Variants in CDH12 observed in about 807,000 individuals in gnomAD.
CDH12 encodes the protein cadherin 12.
Under a neutral mutation model 74.1 loss-of-function variants are expected in CDH12, and 41 were observed. The observed-to-expected ratio is 0.55, with a 90% CI of 0.43 to 0.72. The LOEUF (loss-of-function observed/expected upper bound fraction) is 0.72. CDH12 is among the 30% of genes least tolerant of loss of function. The pLI, the probability that CDH12 is intolerant of heterozygous loss-of-function variation, is 0.00. For missense variants in CDH12, 945 were observed against 977.2 expected, an observed-to-expected ratio of 0.97 and a Z score of 0.44; for synonymous variants, 399 against 355.0, an observed-to-expected ratio of 1.12 and a Z score of -1.39.
intron 1 of CDH12, among the ~76,000 whole-genome samples, chr5:22,751,651 T>C (rs1226528782): frequency 6.6e-6 from 1 of 152,136 alleles, no homozygotes; most frequent in East Asian, 1.9e-4. Context: ...TTCCAGTTGA[T>C]AATTCAAATG....
intron 5 of CDH12, among the ~76,000 whole-genome samples, chr5:22,025,132 T>C (rs1190236420): frequency 6.6e-6 from 1 of 152,064 alleles, no homozygotes; most frequent in Non-Finnish European, 1.5e-5. Context: ...TTGATTCAGA[T>C]TAGAATCAGA....
At chr5:22,241,280 C>G (rs1281862231) in intron 3 of CDH12, among the ~76,000 whole-genome samples, 3 of 151,944 alleles carry the variant, frequency 2.0e-5, no homozygotes, top group Non-Finnish European at 4.4e-5. Context: ...AAACCAAACT[C>G]TAATTTACTA....
intron 4 of CDH12, among the ~76,000 whole-genome samples, chr5:22,147,060 A>C (rs1747233806): frequency 6.6e-6 from 1 of 152,194 alleles, no homozygotes; most frequent in African/African-American, 2.4e-5. Context: ...ATGGAAATTT[A>C]ACTTTGTTCA....
intron 2 of CDH12, among the ~76,000 whole-genome samples, chr5:22,461,684 C>A (rs1288625872): frequency 6.6e-6 from 1 of 151,738 alleles, no homozygotes; most frequent in Non-Finnish European, 1.5e-5. Context: ...GGGTGAGAGT[C>A]CATATTTTAC....
Position 21,944,949 on chromosome 5 carries a change from C to T in CDH12, c.526+30142G>A, listed in dbSNP as rs187880896. Among the ~76,000 whole-genome samples, 8 of 152,152 alleles carry T rather than the reference C, an allele frequency of 5.3e-5. No homozygotes were observed. In the East Asian group the frequency reaches 1.5e-3, roughly 29 times the overall value. ...AGGTCCCATCAGGAAGATAAACATG[C>T]ACACCCACCCAGCTCTCAGGTTACA... On this transcript the variant is annotated intron_variant, in intron 6 of 14. Transcript: ENST00000382254.
At chr5:22,484,727 C>T (rs950689935) in intron 2 of CDH12, among the ~76,000 whole-genome samples, 4 of 152,190 alleles carry the variant, frequency 2.6e-5, no homozygotes, top group African/African-American at 2.4e-5. Flanking sequence ...TTTGCCATCC[C>T]TCCTGGCACA....
intron 5 of CDH12, among the ~76,000 whole-genome samples, chr5:21,985,192 G>A (rs1208437573): frequency 3.3e-5 from 5 of 152,158 alleles, no homozygotes; most frequent in Admixed American, 6.5e-5. Context: ...CTTTTGTCAT[G>A]GAACTAGGTC....
intron 5 of CDH12, among the ~76,000 whole-genome samples, chr5:22,013,137 G>T (rs1019708359): frequency 6.6e-6 from 1 of 152,162 alleles, no homozygotes; most frequent in Non-Finnish European, 1.5e-5. Context: ...AAGGAAAGAG[G>T]TTTAACTGAA....
intron 8 of CDH12, among the ~76,000 whole-genome samples, chr5:21,825,866 T>A (rs1222890612): frequency 6.6e-6 from 1 of 152,192 alleles, no homozygotes; most frequent in Non-Finnish European, 1.5e-5. Context: ...GATTCCTTTG[T>A]GGAAATTCTT....
intron 1 of CDH12, among the ~76,000 whole-genome samples, chr5:22,599,640 A>C (rs1561519398): frequency 6.6e-6 from 1 of 152,274 alleles, no homozygotes; most frequent in East Asian, 1.9e-4. Flanking sequence ...TTAGAGTCAA[A>C]CACCAATGGT....
chr5:22,305,514 G>T (rs1036773165), intron 3 of CDH12, among the ~76,000 whole-genome samples: 1 of 151,844 alleles, frequency 6.6e-6, no homozygotes, highest in African/African-American at 2.4e-5. Flanking sequence ...CACAGACAAA[G>T]TTCTGGAGAT....
chr5:22,155,323 A>C (rs561390663), intron 4 of CDH12, among the ~76,000 whole-genome samples: 1 of 152,240 alleles, frequency 6.6e-6, no homozygotes, highest in Non-Finnish European at 1.5e-5. Flanking sequence ...CTTTGGGGCC[A>C]ACTTAGACTA....
In CDH12 at chr5:22,021,598, C is replaced by A. The variant is rs141015225; in HGVS notation, c.232-46213G>T. Among the ~76,000 whole-genome samples the A allele has an allele frequency of 3.7e-3, 569 of 152,246 alleles. 7 individuals are homozygous for A. Among genetic ancestry groups the A allele is most frequent in the African/African-American group, 0.013 (531 of 41,558 alleles). On this transcript the variant is annotated intron_variant, in intron 5 of 14. Transcript: ENST00000382254. ...AACTTACTCTGAGTACTCGTACAAC[C>A]ATTTTGCTATTCACTTTCAGTATAG...
chr5:22,120,495 A>G (rs1014403487), intron 4 of CDH12, among the ~76,000 whole-genome samples: 4 of 152,148 alleles, frequency 2.6e-5, no homozygotes, highest in African/African-American at 7.2e-5. Context: ...ATAAAATGAT[A>G]TGTTGACATG....
intron 5 of CDH12, among the ~76,000 whole-genome samples, chr5:22,078,165 TACTTTA>T (rs1742462097): frequency 1.3e-5 from 2 of 152,194 alleles, no homozygotes; most frequent in South Asian, 2.1e-4. Flanking sequence ...AACATTTTCA[TACTTTA>T]ACTTCATGTC....
chr5:21,938,723 C>CATATACATATATATATATATATATAT (rs1755187069), intron 6 of CDH12, among the ~76,000 whole-genome samples: 1 of 112,078 alleles, frequency 8.9e-6, no homozygotes, highest in Non-Finnish European at 1.7e-5. Context: ...ATATAATATA[C>CATATACATATATATATATATATATAT]ATATATATAT....
At chr5:22,484,400 A>G (rs1746504438) in intron 2 of CDH12, among the ~76,000 whole-genome samples, 1 of 152,166 alleles carries the variant, frequency 6.6e-6, no homozygotes, top group Non-Finnish European at 1.5e-5. Context: ...AGCTTTAGAC[A>G]TACTTGGATC....
intron 3 of CDH12, among the ~76,000 whole-genome samples, chr5:22,363,768 T>C (rs959816205): frequency 6.6e-6 from 1 of 152,176 alleles, no homozygotes; most frequent in African/African-American, 2.4e-5. Context: ...TGATGTTGTG[T>C]CAGACAAAAT....
Position 22,413,726 on chromosome 5 carries a change from T to C in CDH12, c.-427-8375A>G, listed in dbSNP as rs77780189. 8.8e-3 allele frequency among the ~76,000 whole-genome samples: 1,332 copies of C among 152,132 alleles called. 19 individuals are homozygous for C. Among genetic ancestry groups the C allele is most frequent in the African/African-American group, 0.03 (1,259 of 41,574 alleles). On this transcript the variant is annotated intron_variant, in intron 2 of 14. Transcript: ENST00000382254. Reference sequence around the variant, plus strand: ...AGCATAGCATATAGACACACATACATATAGAAAGTTTATTCACATTACTTT... The same window carrying C: ...AGCATAGCATATAGACACACATACACATAGAAAGTTTATTCACATTACTTT...
Sources: gnomAD v4.1 joint callset for allele counts (sites outside exome capture counted in the v4.1 genomes callset) on GRCh38, gnomAD v4.1.1 for gene constraint, MANE v1.5 for transcripts, NCBI Gene and HGNC (gene_info 2026-07-23, HGNC 2026-07-21) for gene names.